The following SMYD3 variants were observed in gnomAD, a reference collection of about 807,000 sequenced individuals.
SMYD3 encodes the protein SET and MYND domain containing 3.
SMYD3 carries 36 observed loss-of-function variants against 57.7 expected under a neutral mutation model. That is an observed-to-expected ratio of 0.62 (90% confidence interval 0.48 to 0.82). SMYD3 has a LOEUF of 0.82. SMYD3 is among the 40% of genes least tolerant of loss of function. The probability of loss-of-function intolerance (pLI) is 0.00; values close to 1 mark genes in which losing one functional copy is unlikely to be tolerated. For synonymous variants in SMYD3, 211 were observed against 195.0 expected, an observed-to-expected ratio of 1.08 and a Z score of -0.68; for missense variants, 515 against 538.8, an observed-to-expected ratio of 0.96 and a Z score of 0.44.
chr1:245,891,313 G>C (rs2053372706), intron 8 of SMYD3, among the ~76,000 whole-genome samples: 1 of 152,184 alleles, frequency 6.6e-6, no homozygotes, highest in South Asian at 2.1e-4. Flanking sequence ...TTGTATGACA[G>C]TATCAAAATA....
At chr1:246,348,970 C>T (rs749096844) in intron 2 of SMYD3, among the ~76,000 whole-genome samples, 2 of 151,940 alleles carry the variant, frequency 1.3e-5, no homozygotes, top group Non-Finnish European at 2.9e-5. Flanking sequence ...AATTACTAAT[C>T]TAGAATTCTG....
rs575229513 is a variant in SMYD3, at chr1:246,060,158, C to T, written c.532-130221G>A. On this transcript the variant is annotated intron_variant, in intron 5 of 11. Coordinates refer to ENST00000490107, the MANE Select transcript of SMYD3 (RefSeq NM_001167740.2). ...AAAAACTTAGCCAGGCATGGTGGCA[C>T]ACATCTGTAGTCCCAGCTACTTAGG... 2.6e-5 allele frequency among the ~76,000 whole-genome samples: 4 copies of T among 152,086 alleles called. 1 individual carries two copies. Among genetic ancestry groups the T allele is most frequent in the African/African-American group, 7.2e-5 (3 of 41,498 alleles).
At chr1:246,189,269 T>C (rs892906246) in intron 5 of SMYD3, among the ~76,000 whole-genome samples, 8 of 152,100 alleles carry the variant, frequency 5.3e-5, no homozygotes, top group Middle Eastern at 3.4e-3. Flanking sequence ...TTCATCCAAC[T>C]CTTACAAATA....
Position 246,320,986 on chromosome 1 carries a change from G to A in SMYD3, c.531+6215C>T, listed in dbSNP as rs147422380. Among the ~76,000 whole-genome samples, 357 of 152,284 alleles carry A rather than the reference G, an allele frequency of 2.3e-3. 3 individuals are homozygous for A. The highest frequency in any genetic ancestry group is 8.0e-3 in the African/African-American group (331 of 41,554). On this transcript the variant is annotated intron_variant, in intron 5 of 11. Transcript: ENST00000490107. ...GGAAGCCTACTTTTACATTTCCCAC[G>A]TGAAATTCCAAGAAACTACTTTGAT... is the stretch of plus-strand genomic sequence containing the variant.
chr1:246,098,522 A>T (rs1030043169), intron 5 of SMYD3, among the ~76,000 whole-genome samples: 9 of 152,248 alleles, frequency 5.9e-5, no homozygotes, highest in Non-Finnish European at 8.8e-5. Context: ...TTTAATTTTT[A>T]AAAAATCTTT....
intron 5 of SMYD3, among the ~76,000 whole-genome samples, chr1:246,239,909 T>C (rs779969302): frequency 1.3e-5 from 2 of 152,240 alleles, no homozygotes; most frequent in Non-Finnish European, 2.9e-5. Flanking sequence ...CGTCTGTTCA[T>C]ATCCTTTGCC....
chr1:245,948,785 G>A (rs1425002634), intron 5 of SMYD3, among the ~76,000 whole-genome samples: 1 of 152,130 alleles, frequency 6.6e-6, no homozygotes, highest in African/African-American at 2.4e-5. Flanking sequence ...AGGCCACCAT[G>A]CACATACAAG....
intron 5 of SMYD3, among the ~76,000 whole-genome samples, chr1:246,182,626 C>A (rs1218443210): frequency 6.6e-6 from 1 of 152,214 alleles, no homozygotes; most frequent in African/African-American, 2.4e-5. Context: ...ATTTCTGAAA[C>A]AGTTAGGTGC....
At chr1:246,175,983 T>C (rs2062427078) in intron 5 of SMYD3, among the ~76,000 whole-genome samples, 1 of 152,232 alleles carries the variant, frequency 6.6e-6, no homozygotes, top group South Asian at 2.1e-4. Flanking sequence ...TGACTCAAGT[T>C]ACCACATCTT....
At chr1:245,890,595 A>G (rs112756795) in intron 8 of SMYD3, among the ~76,000 whole-genome samples, 3 of 152,230 alleles carry the variant, frequency 2.0e-5, no homozygotes, top group African/African-American at 7.2e-5. Context: ...AGATGTGGAA[A>G]AAAAGGGAAC....
At chr1:246,402,334 C>T (rs143728747) in intron 1 of SMYD3, among the ~76,000 whole-genome samples, 234 of 87,612 alleles carry the variant, frequency 2.7e-3, no homozygotes, top group Middle Eastern at 6.7e-3. Flanking sequence ...CTGTTCAAAC[C>T]AGTTAAAATG....
intron 8 of SMYD3, among the ~76,000 whole-genome samples, chr1:245,874,971 A>T (rs1054269810): frequency 6.6e-6 from 1 of 152,222 alleles, no homozygotes; most frequent in Non-Finnish European, 1.5e-5. Context: ...CTCACCTCGT[A>T]TCCATGAGAC....
Position 246,255,066 on chromosome 1 carries a change from C to T in SMYD3, c.531+72135G>A, listed in dbSNP as rs76860518. On this transcript the variant is annotated intron_variant, in intron 5 of 11. Coordinates refer to ENST00000490107, the MANE Select transcript of SMYD3 (RefSeq NM_001167740.2). ...ACTTTACAGGTATATAATCATATCA[C>T]TTGCAAAGAGAAATAGTTTCACTTC... Among the ~76,000 whole-genome samples, 3,131 of 152,208 alleles carry T rather than the reference C, an allele frequency of 0.021. 226 individuals carry two copies. The East Asian group carries it at 0.24, about 12-fold the overall frequency.
chr1:245,985,811 G>A (rs1256420808), intron 5 of SMYD3, among the ~76,000 whole-genome samples: 1 of 152,028 alleles, frequency 6.6e-6, no homozygotes, highest in Admixed American at 6.6e-5. Flanking sequence ...TAAAATCCCT[G>A]CACCAACATG....
chr1:245,779,270 A>T (rs1487452374), intron 10 of SMYD3, among the ~76,000 whole-genome samples: 4 of 152,234 alleles, frequency 2.6e-5, no homozygotes, highest in Non-Finnish European at 5.9e-5. Flanking sequence ...TCCAAAATAT[A>T]TCAAGAACTC....
intron 5 of SMYD3, among the ~76,000 whole-genome samples, chr1:245,955,238 C>T (rs1024594372): frequency 1.5e-5 from 2 of 135,612 alleles, no homozygotes; most frequent in African/African-American, 2.8e-5. Flanking sequence ...ACTACAGGTG[C>T]CCGCCGCCAT....
intron 5 of SMYD3, among the ~76,000 whole-genome samples, chr1:245,984,409 C>T (rs2058661874): frequency 6.6e-6 from 1 of 152,208 alleles, no homozygotes; most frequent in Admixed American, 6.5e-5. Flanking sequence ...CAGCACAAAT[C>T]TATTTGTGCC....
At chr1:245,752,741 G>A (rs1040478381) in intron 11 of SMYD3, among the ~76,000 whole-genome samples, 5 of 152,194 alleles carry the variant, frequency 3.3e-5, no homozygotes, top group African/African-American at 1.2e-4. Flanking sequence ...AGCCAGGAAG[G>A]GGGAGTTTCC....
At chr1:245,806,738 G>A (rs547998424) in intron 10 of SMYD3, among the ~76,000 whole-genome samples, 156 of 151,086 alleles carry the variant, frequency 1.0e-3, no homozygotes, top group African/African-American at 3.4e-3. Flanking sequence ...GTGAAACCCC[G>A]TCTCTACTAA....
Sources: gnomAD v4.1 joint callset for allele counts (sites outside exome capture counted in the v4.1 genomes callset) on GRCh38, gnomAD v4.1.1 for gene constraint, MANE v1.5 for transcripts, NCBI Gene and HGNC (gene_info 2026-07-23, HGNC 2026-07-21) for gene names.